Variants in CPA6 observed in about 807,000 individuals in gnomAD.
The protein encoded by CPA6 is carboxypeptidase B.
A neutral mutation model predicts 63.3 loss-of-function variants in CPA6; 58 were observed. That is an observed-to-expected ratio of 0.92 (90% CI 0.74 to 1.14). The LOEUF (loss-of-function observed/expected upper bound fraction) is 1.14. Ranked by LOEUF, CPA6 falls within the 50% of genes most tolerant of loss-of-function variation. The pLI is 0.00. For synonymous variants in CPA6, 185 were observed against 179.0 expected, an observed-to-expected ratio of 1.03 and a Z score of -0.27; for missense variants, 565 against 526.6, an observed-to-expected ratio of 1.07 and a Z score of -0.71.
intron 2 of CPA6, among the ~76,000 whole-genome samples, chr8:67,568,635 T>A (rs1275802309): frequency 1.3e-5 from 2 of 151,654 alleles, no homozygotes; most frequent in African/African-American, 4.9e-5. Context: ...GAAACAAGAA[T>A]GAAAAAGATG....
chr8:67,717,305 G>T (rs1005458539), intron 1 of CPA6, among the ~76,000 whole-genome samples: 2 of 152,200 alleles, frequency 1.3e-5, no homozygotes, highest in Admixed American at 6.5e-5. Context: ...AAGGAAGAGA[G>T]AGCTGGAAAT....
intron 4 of CPA6, among the ~76,000 whole-genome samples, chr8:67,510,089 T>C (rs1033934451): frequency 7.2e-5 from 11 of 152,188 alleles, no homozygotes; most frequent in African/African-American, 2.7e-4. Context: ...AAAGGCATTA[T>C]CTTTTTCCAT....
chr8:67,463,527 C>T (rs1045644408), intron 8 of CPA6, among the ~76,000 whole-genome samples: 7 of 151,868 alleles, frequency 4.6e-5, no homozygotes, highest in African/African-American at 1.7e-4. Flanking sequence ...TTTCCTTCCC[C>T]AACATTTATT....
chr8:67,653,518 T>C (rs371222173), intron 1 of CPA6, among the ~76,000 whole-genome samples: 1 of 151,496 alleles, frequency 6.6e-6, no homozygotes, highest in African/African-American at 2.4e-5. Context: ...TGAATGGGAG[T>C]TCACTCATGA....
At chr8:67,672,917 T>A (rs1461963731) in intron 1 of CPA6, among the ~76,000 whole-genome samples, 1 of 152,286 alleles carries the variant, frequency 6.6e-6, no homozygotes, top group Non-Finnish European at 1.5e-5. Flanking sequence ...ACTTTTTTTT[T>A]AAATCAGTTT....
Position 67,688,382 on chromosome 8 carries a change from C to A in CPA6, c.116+57632G>T, listed in dbSNP as rs188738696. ...TTGAGAAGGTCAAGGAAAGGGAACA[C>A]CCCTTGATTCTTGAACAGGACAAGT... On this transcript the variant is annotated intron_variant, in intron 1 of 10. Coordinates refer to ENST00000297770, the MANE Select transcript of CPA6 (RefSeq NM_020361.5). 2.5e-3 allele frequency among the ~76,000 whole-genome samples: 377 copies of A among 152,248 alleles called. 5 individuals carry two copies. The highest frequency in any genetic ancestry group is 0.022 in the Admixed American group (332 of 15,294).
chr8:67,671,732 C>A (rs1816347878), intron 1 of CPA6, among the ~76,000 whole-genome samples: 1 of 152,198 alleles, frequency 6.6e-6, no homozygotes, highest in Non-Finnish European at 1.5e-5. Flanking sequence ...AGGATGTTTC[C>A]TAAGTTTTCT....
At chr8:67,575,842 C>CAAAAAAAAAAAA in intron 2 of CPA6, among the ~76,000 whole-genome samples, 1 of 77,642 alleles carries the variant, frequency 1.3e-5, no homozygotes. Flanking sequence ...ACTCTGTCTC[C>CAAAAAAAAAAAA]AAAAAAAAAA....
chr8:67,597,759 G>A (rs1333087026), intron 2 of CPA6, among the ~76,000 whole-genome samples: 1 of 152,060 alleles, frequency 6.6e-6, no homozygotes, highest in Non-Finnish European at 1.5e-5. Context: ...TTTATCTCCA[G>A]TAGCTTAGTA....
chr8:67,448,127 A>T (rs932129587), intron 8 of CPA6, among the ~76,000 whole-genome samples: 1 of 152,186 alleles, frequency 6.6e-6, no homozygotes, highest in Non-Finnish European at 1.5e-5. Flanking sequence ...TTCATACTTT[A>T]GACCGGACTC....
intron 2 of CPA6, among the ~76,000 whole-genome samples, chr8:67,559,339 A>G (rs1267100807): frequency 6.6e-6 from 1 of 152,138 alleles, no homozygotes; most frequent in Non-Finnish European, 1.5e-5. Context: ...GAAAGCATTA[A>G]TTACTCCTCC....
At chr8:67,449,288 A>G (rs551029826) in intron 8 of CPA6, among the ~76,000 whole-genome samples, 1 of 152,080 alleles carries the variant, frequency 6.6e-6, no homozygotes, top group East Asian at 1.9e-4. Flanking sequence ...GTGTGGATCA[A>G]TTATTGGACT....
At chr8:67,541,208 C>G (rs1016452192) in intron 2 of CPA6, among the ~76,000 whole-genome samples, 4 of 152,076 alleles carry the variant, frequency 2.6e-5, no homozygotes, top group African/African-American at 9.7e-5. Context: ...CTGTGGGTTG[C>G]GAAGACCATG....
chr8:67,624,268 GA>G lies in CPA6; in HGVS notation c.117-18del. 1 of 1,329,070 alleles carries G rather than the reference GA, an allele frequency of 7.5e-7. No individual in the cohort carries two copies. Among genetic ancestry groups the G allele is most frequent in the East Asian group, 2.3e-5 (1 of 43,234 alleles). 82.3% of individuals were successfully genotyped at this position (1,329,070 alleles called of 1,614,324 possible). ...ACTTTATCACTACAAGATAAGAAAA[GA>G]AAGATGATAATTACTTTTCGAAAAT... On this transcript the variant is annotated intron_variant, in intron 1 of 10. Coordinates refer to ENST00000297770, the MANE Select transcript of CPA6 (RefSeq NM_020361.5).
At chr8:67,567,136 C>A (rs887254660) in intron 2 of CPA6, among the ~76,000 whole-genome samples, 1 of 152,286 alleles carries the variant, frequency 6.6e-6, no homozygotes, top group Middle Eastern at 3.4e-3. Context: ...ACCTTACTCA[C>A]CTCTTTCTTC....
chr8:67,658,526 G>A (rs1401307704), intron 1 of CPA6, among the ~76,000 whole-genome samples: 2 of 151,992 alleles, frequency 1.3e-5, no homozygotes, highest in African/African-American at 4.8e-5. Flanking sequence ...CTCTCCCTAG[G>A]GAGTTTCAAT....
intron 1 of CPA6, among the ~76,000 whole-genome samples, chr8:67,736,422 C>G (rs1324366425): frequency 6.6e-6 from 1 of 152,192 alleles, no homozygotes; most frequent in African/African-American, 2.4e-5. Flanking sequence ...ATTCACCACT[C>G]CACCAAAAGC....
At position 67,591,963 on chromosome 8, in the gene CPA6, C is replaced by T. The variant is rs1225416742; in HGVS notation, c.192+32213G>A. Among the ~76,000 whole-genome samples the T allele has an allele frequency of 8.5e-5, 13 of 152,264 alleles. 1 individual carries two copies. The East Asian group carries it at 2.3e-3, about 27-fold the overall frequency. The stretch of plus-strand genomic sequence containing the variant: ...TGAGAGAGGGCATCCCTGTCTTGTG[C>T]CAGTTTTCAAGGGGAATGCTTCCAG... On this transcript the variant is annotated intron_variant, in intron 2 of 10. Transcript: ENST00000297770.
chr8:67,571,804 T>A (rs1813493038), intron 2 of CPA6, among the ~76,000 whole-genome samples: 1 of 151,822 alleles, frequency 6.6e-6, no homozygotes, highest in South Asian at 2.1e-4. Context: ...AAGAACAAAC[T>A]AAGCCCAATG....
Sources: allele counts gnomAD v4.1 joint callset (sites outside exome capture counted in the v4.1 genomes callset), GRCh38; gene constraint gnomAD v4.1.1; transcripts MANE v1.5; gene names NCBI Gene and HGNC (gene_info 2026-07-23, HGNC 2026-07-21).